The following AUTS2 variants were observed in gnomAD, a reference collection of about 807,000 sequenced individuals.
AUTS2 encodes autism susceptibility gene 2 protein.
In AUTS2, 17 loss-of-function variants were observed where a neutral mutation model predicts 112.4. That is an observed-to-expected ratio of 0.15 (90% CI 0.10 to 0.23). AUTS2 has a LOEUF of 0.23. AUTS2 is among the 10% of genes least tolerant of loss of function. AUTS2 has a pLI of 1.00. For missense variants in AUTS2, 1,510 were observed against 1,701.6 expected (o/e 0.89, Z 1.98); for synonymous variants, 751 against 702.7 (o/e 1.07, Z -1.09).
chr7:70,654,174 A>G (rs756264905), intron 5 of AUTS2, among the ~76,000 whole-genome samples: 1 of 152,180 alleles, frequency 6.6e-6, no homozygotes, highest in Non-Finnish European at 1.5e-5. Context: ...ACTGTACGAG[A>G]TGTGGGGGCC....
intron 4 of AUTS2, among the ~76,000 whole-genome samples, chr7:70,185,800 C>T (rs1809572278): frequency 6.6e-6 from 1 of 152,166 alleles, no homozygotes; most frequent in African/African-American, 2.4e-5. Context: ...AGAAGCCTCA[C>T]ATCATTCTTG....
chr7:70,013,723 T>G (rs961726797), intron 2 of AUTS2, among the ~76,000 whole-genome samples: 2 of 152,284 alleles, frequency 1.3e-5, no homozygotes, highest in South Asian at 4.1e-4. Flanking sequence ...AGCAGGTTTT[T>G]GTTTTTGTTT....
chr7:69,878,178 G>T (rs1308983713), intron 1 of AUTS2, among the ~76,000 whole-genome samples: 1 of 152,138 alleles, frequency 6.6e-6, no homozygotes, highest in East Asian at 1.9e-4. Flanking sequence ...TAGTGAATAT[G>T]TGGACATTTC....
intron 1 of AUTS2, among the ~76,000 whole-genome samples, chr7:69,784,878 C>G (rs1789296076): frequency 6.6e-6 from 1 of 152,156 alleles, no homozygotes; most frequent in African/African-American, 2.4e-5. Flanking sequence ...TATTGTGCTA[C>G]TATGTGCCAG....
chr7:70,214,882 A>AT (rs1690902957), intron 4 of AUTS2, among the ~76,000 whole-genome samples: 1 of 152,186 alleles, frequency 6.6e-6, no homozygotes, highest in African/African-American at 2.4e-5. Context: ...CTTGTAGCTT[A>AT]TTTTTTGAAT....
intron 1 of AUTS2, among the ~76,000 whole-genome samples, chr7:69,699,695 G>A (rs548556): frequency 0.85 from 124,384 of 146,676 alleles, 52,978 homozygotes; most frequent in African/African-American, 0.93. Flanking sequence ...CCCAGGCTGG[G>A]GTGCAGTGGC....
chr7:69,643,686 A>G (rs1447055374), intron 1 of AUTS2, among the ~76,000 whole-genome samples: 1 of 152,020 alleles, frequency 6.6e-6, no homozygotes, highest in Non-Finnish European at 1.5e-5. Context: ...GTGCTCATTA[A>G]GTGTTTGTCA....
chr7:69,767,871 T>G (rs1367636011), intron 1 of AUTS2, among the ~76,000 whole-genome samples: 9 of 152,220 alleles, frequency 5.9e-5, no homozygotes, highest in Admixed American at 5.9e-4. Context: ...AGGACCAATT[T>G]AAATGTCACT....
intron 2 of AUTS2, among the ~76,000 whole-genome samples, chr7:70,071,233 C>A (rs1169092539): frequency 6.6e-6 from 1 of 152,170 alleles, no homozygotes; most frequent in African/African-American, 2.4e-5. Context: ...GAATGAGTAA[C>A]TTACTTCGCA....
intron 1 of AUTS2, among the ~76,000 whole-genome samples, chr7:69,748,611 A>G (rs1167267358): frequency 1.3e-5 from 2 of 152,184 alleles, no homozygotes; most frequent in African/African-American, 4.8e-5. Context: ...TGTACAGACA[A>G]TTATAAGGAA....
At position 69,925,439 on chromosome 7, in the gene AUTS2, A is replaced by G. The variant is rs571747056; in HGVS notation, c.522+25941A>G. 7.2e-5 allele frequency among the ~76,000 whole-genome samples: 11 copies of G among 152,242 alleles called. 1 individual carries two copies. In the South Asian group the frequency reaches 2.3e-3, roughly 32 times the overall value. On this transcript the variant is annotated intron_variant, in intron 2 of 18. Coordinates refer to ENST00000342771, the MANE Select transcript of AUTS2 (RefSeq NM_015570.4). ...CACCCCAAATATTCTGATCTGTGGTATTTTCATTTTCATTCAGTTTAGAGT... is the reference window on the plus strand; with the variant it reads ...CACCCCAAATATTCTGATCTGTGGTGTTTTCATTTTCATTCAGTTTAGAGT...
intron 5 of AUTS2, among the ~76,000 whole-genome samples, chr7:70,563,843 G>T (rs538384367): frequency 6.6e-6 from 1 of 152,110 alleles, no homozygotes; most frequent in African/African-American, 2.4e-5. Context: ...GCAGATCAAT[G>T]ATCTTCACTT....
chr7:70,310,695 G>T (rs1789707346), intron 4 of AUTS2, among the ~76,000 whole-genome samples: 1 of 151,770 alleles, frequency 6.6e-6, no homozygotes, highest in Non-Finnish European at 1.5e-5. Flanking sequence ...GACCTTTGCT[G>T]CCCTGTGACT....
intron 1 of AUTS2, among the ~76,000 whole-genome samples, chr7:69,680,718 G>A (rs1796753061): frequency 6.6e-6 from 1 of 152,070 alleles, no homozygotes; most frequent in Non-Finnish European, 1.5e-5. Flanking sequence ...TGCTCAGGCT[G>A]GAGTGCAGTG....
intron 4 of AUTS2, among the ~76,000 whole-genome samples, chr7:70,218,147 A>G (rs1407563659): frequency 2.0e-5 from 3 of 152,240 alleles, no homozygotes; most frequent in Non-Finnish European, 4.4e-5. Flanking sequence ...AGGGCAGCTA[A>G]TGCTTTAGCT....
chr7:70,261,027 G>T (rs1010374408), intron 4 of AUTS2, among the ~76,000 whole-genome samples: 2 of 152,132 alleles, frequency 1.3e-5, no homozygotes, highest in African/African-American at 4.8e-5. Flanking sequence ...GATTACAGGT[G>T]TGAGCCACCG....
intron 4 of AUTS2, among the ~76,000 whole-genome samples, chr7:70,301,160 G>C (rs892357503): frequency 6.6e-6 from 1 of 152,188 alleles, no homozygotes; most frequent in African/African-American, 2.4e-5. Context: ...TTATTTGCGT[G>C]CATAGTGATA....
At chr7:70,452,295 C>T (rs1292832861) in intron 5 of AUTS2, among the ~76,000 whole-genome samples, 1 of 151,640 alleles carries the variant, frequency 6.6e-6, no homozygotes, top group African/African-American at 2.4e-5. Flanking sequence ...CCCATCTCTA[C>T]AAAAAAAATA....
At chr7:70,780,038 A>AAAAG (rs1479966130) in intron 14 of AUTS2, among the ~76,000 whole-genome samples, 2 of 152,042 alleles carry the variant, frequency 1.3e-5, no homozygotes, top group African/African-American at 4.8e-5. Context: ...AAAAAAAAAA[A>AAAAG]AAAGAGTGAA....
Sources: gnomAD v4.1 joint callset for allele counts (sites outside exome capture counted in the v4.1 genomes callset) on GRCh38, gnomAD v4.1.1 for gene constraint, MANE v1.5 for transcripts, NCBI Gene and HGNC (gene_info 2026-07-23, HGNC 2026-07-21) for gene names.